The following PRR12 variants were observed in gnomAD, a reference collection of about 807,000 sequenced individuals.
PRR12 encodes the protein proline-rich protein 12.
Under a neutral mutation model 138.0 loss-of-function variants are expected in PRR12, and 12 were observed. The observed-to-expected ratio is 0.09, with a 90% CI of 0.06 to 0.14. PRR12 has a LOEUF of 0.14. Among genes scored for constraint, PRR12 ranks in the 10% least tolerant of loss-of-function variants. PRR12 has a pLI of 1.00. For missense variants in PRR12, 2,692 were observed against 2,861.3 expected, an observed-to-expected ratio of 0.94 and a Z score of 1.35; for synonymous variants, 1,567 against 1,291.7, an observed-to-expected ratio of 1.21 and a Z score of -4.57.
Position 49,625,012 on chromosome 19 carries a change from G to A in PRR12, c.5868+22G>A, listed in dbSNP as rs1318435451. On this transcript the variant is annotated intron_variant, in intron 12 of 13. Coordinates refer to ENST00000418929, the MANE Select transcript of PRR12 (RefSeq NM_020719.3). This position sits in a 1 kb window ranked among gnomAD's most constrained non-coding sequence, Gnocchi z 5.5. ...CCAGGTGGGCACTGGGGCTGGGGCT[G>A]GGAGTGGGGAGTGCTGGCGGTATGT... The A allele has an allele frequency of 1.2e-6, 2 of 1,607,686 alleles. No homozygotes were observed. The highest frequency in any genetic ancestry group is 1.7e-6 in the Non-Finnish European group (2 of 1,175,976).
At position 49,597,081 on chromosome 19, in the gene PRR12, C is replaced by T. The variant is rs375835590; in HGVS notation, c.2746C>T (p.Pro916Ser). Residue 916 changes from proline to serine, a missense_variant, in exon 4 of 14, where the codon CCC becomes TCC. Physicochemically the swap from Pro to Ser is moderately conservative, Grantham distance 74 (BLOSUM62 -1). Transcript: ENST00000418929. The surrounding 1 kb of genome is among the most constrained non-coding windows in gnomAD (Gnocchi z 6.3). ...GGATCCCGCAGGCGCCTACCGCAGC[C>T]CCAGCCCGCAAGGCACCAAGGCGCC... ...GKDPAGAYRS[P>S]SPQGTKAPRF... 12 of 1,552,182 alleles carry T rather than the reference C, an allele frequency of 7.7e-6. No individual in the cohort carries two copies. The African/African-American group carries it at 1.5e-4, about 19-fold the overall frequency.
At chr19:49,608,946 C>A (rs563219121) in intron 6 of PRR12, among the ~76,000 whole-genome samples, 6 of 152,296 alleles carry the variant, frequency 3.9e-5, no homozygotes, top group South Asian at 2.1e-4. Context: ...CTCCTTCCCC[C>A]GTCTGTCAAC....
At chr19:49,592,392 C>T (rs2080734473) in intron 1 of PRR12, among the ~76,000 whole-genome samples, 1 of 152,166 alleles carries the variant, frequency 6.6e-6, no homozygotes, top group African/African-American at 2.4e-5. Flanking sequence ...TTGAGTCTGG[C>T]CACGGACTGG....
At chr19:49,620,766 GA>G in intron 10 of PRR12, among the ~76,000 whole-genome samples, 1 of 141,006 alleles carries the variant, frequency 7.1e-6, no homozygotes, top group East Asian at 2.2e-4. Context: ...TCTGAGGGAG[GA>G]AGGGCTGGGG....
chr19:49,609,819 A>G (rs569156101), intron 6 of PRR12, among the ~76,000 whole-genome samples: 8 of 152,026 alleles, frequency 5.3e-5, no homozygotes, highest in Admixed American at 5.3e-4. Context: ...GGTGAGTTCC[A>G]TGGGTGCTGA....
chr19:49,592,156 C>T (rs1399715665), intron 1 of PRR12, among the ~76,000 whole-genome samples: 1 of 152,016 alleles, frequency 6.6e-6, no homozygotes, highest in Non-Finnish European at 1.5e-5. Context: ...GGGGCGCGAA[C>T]CCCCTCTCAG....
intron 2 of PRR12, among the ~76,000 whole-genome samples, chr19:49,593,655 G>T (rs563310264): frequency 6.6e-6 from 1 of 151,222 alleles, no homozygotes; most frequent in South Asian, 2.1e-4. Flanking sequence ...CTCCCCTTTC[G>T]CTCCAATTGG....
intron 6 of PRR12, among the ~76,000 whole-genome samples, chr19:49,608,545 AT>A: frequency 6.6e-6 from 1 of 152,010 alleles, no homozygotes; most frequent in East Asian, 1.9e-4. Flanking sequence ...TAATTTCTGT[AT>A]TTTTAGTAGA....
rs142373626 is a variant in PRR12, at chr19:49,614,033, C to T, written c.4774-500C>T. On this transcript the variant is annotated intron_variant, in intron 6 of 13. Transcript: ENST00000418929. The surrounding 1 kb of genome is among the most constrained non-coding windows in gnomAD (Gnocchi z 5.0). ...TGAGGCAGAAGAATCGGCTTGAACCCGGGAGGCGGAGGTCGCAGTGAGCTG... is the reference window on the plus strand; with the variant it reads ...TGAGGCAGAAGAATCGGCTTGAACCTGGGAGGCGGAGGTCGCAGTGAGCTG... 1.1e-4 allele frequency among the ~76,000 whole-genome samples: 16 copies of T among 152,236 alleles called. No individual in the cohort carries two copies. The East Asian group carries it at 1.5e-3, about 15-fold the overall frequency.
intron 6 of PRR12, among the ~76,000 whole-genome samples, chr19:49,611,774 A>T (rs10413792): frequency 0.42 from 61,299 of 145,182 alleles, 14,691 homozygotes; most frequent in African/African-American, 0.65. Flanking sequence ...ATACAAAAAA[A>T]TAGCCGGGCG....
rs148462216 is a variant in PRR12, at chr19:49,617,009, A to G, written c.5497+790A>G. On this transcript the variant is annotated intron_variant, in intron 9 of 13. Coordinates refer to ENST00000418929, the MANE Select transcript of PRR12 (RefSeq NM_020719.3). ...GCCCAGCATGGTGGCGTGTGCCTGT[A>G]ATCCCAGCTACTCAACGAGGCTGAG... 3.1e-3 allele frequency among the ~76,000 whole-genome samples: 478 copies of G among 152,144 alleles called. 5 individuals carry two copies. Among genetic ancestry groups the G allele is most frequent in the African/African-American group, 0.011 (448 of 41,510 alleles).
intron 11 of PRR12, among the ~76,000 whole-genome samples, chr19:49,623,630 T>C (rs2080937274): frequency 6.7e-6 from 1 of 149,286 alleles, no homozygotes; most frequent in Admixed American, 6.7e-5. Flanking sequence ...AGACTTTGTC[T>C]TAAAAAAAAA....
chr19:49,603,702 AAAT>A (rs894068686), intron 6 of PRR12, among the ~76,000 whole-genome samples: 25 of 152,200 alleles, frequency 1.6e-4, no homozygotes, highest in African/African-American at 5.1e-4. Context: ...CATCTCGAAA[AAAT>A]AATAATAATA....
At position 49,599,225 on chromosome 19, in the gene PRR12, G is replaced by C; in HGVS notation, c.3679-47G>C. The stretch of plus-strand genomic sequence containing the variant: ...TGGGGGCTGAGGGAGGATGGGACTG[G>C]GGGCCCAGGCTACTGGGCCCTCACG... On this transcript the variant is annotated intron_variant, in intron 4 of 13. Coordinates refer to ENST00000418929, the MANE Select transcript of PRR12 (RefSeq NM_020719.3). This position sits in a 1 kb window ranked among gnomAD's most constrained non-coding sequence, Gnocchi z 5.0. 3 of 1,490,992 alleles carry C rather than the reference G, an allele frequency of 2.0e-6. No individual in the cohort carries two copies. The highest frequency in any genetic ancestry group is 8.9e-7 in the Non-Finnish European group (1 of 1,122,250). 92.4% of individuals were successfully genotyped at this position (1,490,992 alleles called of 1,614,324 possible).
At chr19:49,606,547 G>A (rs755212659) in intron 6 of PRR12, among the ~76,000 whole-genome samples, 2 of 149,844 alleles carry the variant, frequency 1.3e-5, no homozygotes, top group Admixed American at 6.7e-5. Context: ...CGTGATTTGC[G>A]CCGCCTCCCC....
chr19:49,615,825 C>A lies in PRR12; in HGVS notation c.5103C>A (p.Pro1701=). 6.2e-7 allele frequency: 1 copy of A among 1,612,312 alleles called. No individual in the cohort carries two copies. The highest frequency in any genetic ancestry group is 8.5e-7 in the Non-Finnish European group (1 of 1,179,258). ...APPPKAPAPP[P]KPETPEKTTS... ...CCCCTAAGGCCCCAGCACCACCTCCCAAGCCTGAGACCCCTGAAAAGACGA... is the reference window on the plus strand; with the variant it reads ...CCCCTAAGGCCCCAGCACCACCTCCAAAGCCTGAGACCCCTGAAAAGACGA... Residue 1701 remains proline (P), a synonymous_variant, in exon 9 of 14, where the codon CCC becomes CCA. Coordinates refer to ENST00000418929, the MANE Select transcript of PRR12 (RefSeq NM_020719.3).
Position 49,615,742 on chromosome 19 carries a change from T to C in PRR12, c.5025-5T>C. 1 of 1,611,204 alleles carries C rather than the reference T, an allele frequency of 6.2e-7. No individual in the cohort carries two copies. The highest frequency in any genetic ancestry group is 8.5e-7 in the Non-Finnish European group (1 of 1,178,616). On this transcript the variant is annotated splice_region_variant and splice_polypyrimidine_tract_variant and intron_variant, in intron 8 of 13. Transcript: ENST00000418929. ...GACTACAGTCCCTTCTCTGTTCCCT[T>C]CTAGACGCTCTGGGCAGGCCAAGAA...
chr19:49,622,549 A>G lies in PRR12; in HGVS notation c.5721+927A>G, dbSNP rs1422717089. ...GGAGCTTGCAGTGAGCCAAGATGGT[A>G]CCACTGCACTCCAGCCTGGGCGACA... On this transcript the variant is annotated intron_variant, in intron 11 of 13. Coordinates refer to ENST00000418929, the MANE Select transcript of PRR12 (RefSeq NM_020719.3). 1.3e-4 allele frequency among the ~76,000 whole-genome samples: 18 copies of G among 142,534 alleles called. No homozygotes were observed. In the Middle Eastern group the frequency reaches 0.012, roughly 96 times the overall value. The allele number at this position is 142,534 out of a possible 152,430, so 93.5% of individuals were successfully genotyped here.
Position 49,594,750 on chromosome 19 carries a change from T to A in PRR12, c.415T>A (p.Ser139Thr). 1.2e-6 allele frequency: 2 copies of A among 1,613,356 alleles called. No homozygotes were observed. Among genetic ancestry groups the A allele is most frequent in the Non-Finnish European group, 1.7e-6 (2 of 1,179,796 alleles). Residue 139 changes from serine to threonine, a missense_variant, in exon 4 of 14, where the codon TCC (serine) becomes ACC (threonine). By Grantham distance (58) the Ser-to-Thr change is moderately conservative. Transcript: ENST00000418929. The surrounding 1 kb of genome is among the most constrained non-coding windows in gnomAD (Gnocchi z 5.6). Reference protein sequence around the residue: ...ELFISGALPGSSTFPSSSALS... With the variant: ...ELFISGALPGTSTFPSSSALS... ...CTTCATCTCGGGTGCCCTGCCGGGT[T>A]CCAGCACCTTTCCGTCCTCATCTGC...
Sources: allele counts gnomAD v4.1 joint callset (sites outside exome capture counted in the v4.1 genomes callset), GRCh38; gene constraint gnomAD v4.1.1; non-coding constraint Gnocchi (gnomAD v3.1); transcripts MANE v1.5; gene names NCBI Gene and HGNC (gene_info 2026-07-23, HGNC 2026-07-21).